ERBB4: variants seen among roughly 807,000 people sequenced by gnomAD.
ERBB4 encodes the protein receptor tyrosine-protein kinase erbB-4.
ERBB4 carries 42 observed loss-of-function variants against 158.0 expected under a neutral mutation model. The ratio of observed to expected loss-of-function variants is 0.27; its 90% CI spans 0.21 to 0.34. The LOEUF is 0.34. Ranked by LOEUF, ERBB4 falls within the 10% of genes least tolerant of loss-of-function variation. ERBB4 has a pLI of 1.00. For synonymous variants in ERBB4, 583 were observed against 558.7 expected (o/e 1.04, Z -0.61); for missense variants, 1,333 against 1,624.1 (o/e 0.82, Z 3.08).
At chr2:211,897,941 A>T (rs1277163621) in intron 3 of ERBB4, among the ~76,000 whole-genome samples, 4 of 151,608 alleles carry the variant, frequency 2.6e-5, no homozygotes, top group Non-Finnish European at 5.9e-5. Context: ...ATTTTTTTTT[A>T]ATTATAGAGA....
chr2:211,936,395 TAGAA>T (rs1219767518), intron 3 of ERBB4, among the ~76,000 whole-genome samples: 6 of 152,076 alleles, frequency 3.9e-5, no homozygotes, highest in African/African-American at 1.2e-4. Context: ...TGAATGCTCT[TAGAA>T]GGAAGAAAAA....
intron 2 of ERBB4, among the ~76,000 whole-genome samples, chr2:212,005,613 T>C (rs555650002): frequency 6.6e-6 from 1 of 152,112 alleles, no homozygotes; most frequent in Non-Finnish European, 1.5e-5. Flanking sequence ...AGCAAATACA[T>C]AAGCTTCAGG....
chr2:211,992,601 G>C (rs2579971), intron 2 of ERBB4, among the ~76,000 whole-genome samples: 1 of 151,148 alleles, frequency 6.6e-6, no homozygotes, highest in Non-Finnish European at 1.5e-5. Flanking sequence ...GTCAGGGGCA[G>C]AAATCAATGA....
chr2:211,998,775 T>A (rs964682721), intron 2 of ERBB4, among the ~76,000 whole-genome samples: 3 of 151,848 alleles, frequency 2.0e-5, no homozygotes, highest in Non-Finnish European at 4.4e-5. Context: ...ACAACCATGA[T>A]ACCCTAGGGA....
chr2:212,248,439 C>T (rs1003240637), intron 1 of ERBB4, among the ~76,000 whole-genome samples: 8 of 152,088 alleles, frequency 5.3e-5, no homozygotes, highest in Non-Finnish European at 1.2e-4. Context: ...CTATAATAAA[C>T]GGCTGAGTTC....
chr2:211,837,214 C>T (rs1397446508), intron 3 of ERBB4, among the ~76,000 whole-genome samples: 1 of 152,050 alleles, frequency 6.6e-6, no homozygotes, highest in African/African-American at 2.4e-5. Flanking sequence ...ATCTATGATA[C>T]TGAATCTGTT....
At chr2:211,395,064 T>TTAAA (rs1174450461) in intron 25 of ERBB4, among the ~76,000 whole-genome samples, 1 of 152,136 alleles carries the variant, frequency 6.6e-6, no homozygotes, top group African/African-American at 2.4e-5. Flanking sequence ...CGATTAGTTA[T>TTAAA]TAAATATTGT....
chr2:212,009,564 C>G (rs1017241398), intron 2 of ERBB4, among the ~76,000 whole-genome samples: 1 of 151,994 alleles, frequency 6.6e-6, no homozygotes, highest in African/African-American at 2.4e-5. Flanking sequence ...GTTACAGTGG[C>G]CACAGGAAGC....
intron 3 of ERBB4, among the ~76,000 whole-genome samples, chr2:211,936,604 T>G (rs1035216024): frequency 1.3e-5 from 2 of 152,076 alleles, no homozygotes; most frequent in Non-Finnish European, 2.9e-5. Context: ...TAGAATAACT[T>G]GCACTTCTGG....
At chr2:211,642,436 G>T (rs551569224) in intron 16 of ERBB4, among the ~76,000 whole-genome samples, 7 of 151,798 alleles carry the variant, frequency 4.6e-5, no homozygotes, top group Non-Finnish European at 8.8e-5. Context: ...TATTTGCTCC[G>T]TGTTACCCTG....
At chr2:211,428,041 A>G (rs912549872) in intron 22 of ERBB4, among the ~76,000 whole-genome samples, 3 of 151,692 alleles carry the variant, frequency 2.0e-5, no homozygotes, top group Admixed American at 6.6e-5. Flanking sequence ...AACATCACAC[A>G]TCGGGGCCTG....
chr2:211,798,128 T>A (rs1223018060), intron 3 of ERBB4, among the ~76,000 whole-genome samples: 1 of 151,590 alleles, frequency 6.6e-6, no homozygotes, highest in African/African-American at 2.4e-5. Flanking sequence ...CTCCAGAAAA[T>A]TTTCCCTGCT....
At chr2:211,621,957 T>C (rs1313349689) in intron 18 of ERBB4, among the ~76,000 whole-genome samples, 3 of 152,126 alleles carry the variant, frequency 2.0e-5, no homozygotes, top group African/African-American at 7.2e-5. Context: ...ATTTGTAGCA[T>C]TTACTAGATA....
intron 3 of ERBB4, among the ~76,000 whole-genome samples, chr2:211,936,572 G>A (rs2080328523): frequency 6.6e-6 from 1 of 152,018 alleles, no homozygotes; most frequent in Non-Finnish European, 1.5e-5. Context: ...TATTAAGGAA[G>A]AGGGGAAAAT....
At chr2:212,441,223 C>T (rs1403095987) in intron 1 of ERBB4, among the ~76,000 whole-genome samples, 1 of 152,180 alleles carries the variant, frequency 6.6e-6, no homozygotes, top group Non-Finnish European at 1.5e-5. Flanking sequence ...ACAGCTTCCC[C>T]ATCCCCAGTA....
rs1559928565 is a variant in ERBB4 at position 212,286,601 on chromosome 2, T to TTTTTTTGTTTTG, written c.83-161699_83-161698insCAAAACAAAAAA. On this transcript the variant is annotated intron_variant, in intron 1 of 27. Coordinates refer to ENST00000342788, the MANE Select transcript of ERBB4 (RefSeq NM_005235.3). ...TGATTACATAAGTGCTGACTTTTTT[T>TTTTTTTGTTTTG]TTTTTTTTTTTTTTTTTTTGACACA... Among the ~76,000 whole-genome samples the TTTTTTTGTTTTG allele has an allele frequency of 7.7e-4, 91 of 118,394 alleles. 4 individuals are homozygous for TTTTTTTGTTTTG. The highest frequency in any genetic ancestry group is 1.1e-3 in the East Asian group (5 of 4,450). 77.7% of individuals were successfully genotyped at this position (118,394 alleles called of 152,430 possible).
chr2:212,517,024 AG>A (rs925942083), intron 1 of ERBB4, among the ~76,000 whole-genome samples: 3 of 152,104 alleles, frequency 2.0e-5, no homozygotes, highest in Admixed American at 6.5e-5. Flanking sequence ...TCACTGCAAA[AG>A]TTTTCTATAT....
chr2:212,065,622 A>C (rs1443521542), intron 2 of ERBB4, among the ~76,000 whole-genome samples: 2 of 152,070 alleles, frequency 1.3e-5, no homozygotes, highest in African/African-American at 4.8e-5. Context: ...GGCAACTGGA[A>C]ATATTTGGCA....
intron 14 of ERBB4, among the ~76,000 whole-genome samples, chr2:211,669,504 A>T (rs1483378075): frequency 6.6e-6 from 1 of 151,976 alleles, no homozygotes; most frequent in Admixed American, 6.6e-5. Flanking sequence ...CTTTCTTCTC[A>T]TATTTCCTCC....
Sources: gnomAD v4.1 joint callset for allele counts (sites outside exome capture counted in the v4.1 genomes callset) on GRCh38, gnomAD v4.1.1 for gene constraint, MANE v1.5 for transcripts, NCBI Gene and HGNC (gene_info 2026-07-23, HGNC 2026-07-21) for gene names.